The following CBFA2T2 variants were observed in gnomAD, a reference collection of about 807,000 sequenced individuals.
CBFA2T2 encodes the protein protein CBFA2T2.
In CBFA2T2, 11 loss-of-function variants were observed where a neutral mutation model predicts 62.2. The ratio of observed to expected loss-of-function variants is 0.18; its 90% CI spans 0.11 to 0.29. The LOEUF (loss-of-function observed/expected upper bound fraction) is 0.29, where lower values mean the gene tolerates loss of function less well. Ranked by LOEUF, CBFA2T2 falls within the 10% of genes least tolerant of loss-of-function variation. The pLI is 1.00. For synonymous variants in CBFA2T2, 295 were observed against 287.5 expected (o/e 1.03, Z -0.27); for missense variants, 592 against 774.1 (o/e 0.76, Z 2.79).
At chr20:33,578,246 T>G (rs2013923385) in intron 1 of CBFA2T2, among the ~76,000 whole-genome samples, 1 of 152,192 alleles carries the variant, frequency 6.6e-6, no homozygotes. Flanking sequence ...CTAGGGCAAT[T>G]TATATATGAT....
Position 33,644,724 on chromosome 20 carries a change from T to C in CBFA2T2, c.*78T>C. The C allele has an allele frequency of 7.0e-7, 1 of 1,423,052 alleles. No homozygotes were observed. The highest frequency in any genetic ancestry group is 9.5e-7 in the Non-Finnish European group (1 of 1,047,704). The allele number at this position is 1,423,052 out of a possible 1,614,324, so 88.2% of individuals were successfully genotyped here. A position where few individuals can be genotyped will look rare whatever the true frequency, so the allele number is the denominator to read the frequency against. ...CTGAGGGACTGACTGTTGGAACCCG[T>C]GCATGTAGCTGCCGGGTCATCAGCA... On this transcript the variant is annotated 3_prime_UTR_variant, in exon 11 of 11. Coordinates refer to ENST00000342704, the MANE Select transcript of CBFA2T2 (RefSeq NM_001032999.3).
Position 33,624,974 on chromosome 20 carries a change from G to T in CBFA2T2, c.903G>T (p.Lys301Asn). 1 of 1,614,172 alleles carries T rather than the reference G, an allele frequency of 6.2e-7. No homozygotes were observed. The highest frequency in any genetic ancestry group is 1.1e-5 in the South Asian group (1 of 91,084). ...CTCACCTGTATCGGGAACCCAACAA[G>T]ATGCTAGAGCATCGAGAAGTTCGTG... ...ATSHLYREPN[K>N]MLEHREVRDR... Residue 301 changes from lysine to asparagine, a missense_variant, in exon 6 of 11, where the codon AAG (lysine) becomes AAT (asparagine). Around this residue, in one of 3 missense-constraint regions of CBFA2T2, gnomAD observed 449 missense variants for 551.2 expected, o/e 0.81. Transcript: ENST00000342704.
rs1364921301 is a variant in CBFA2T2, at chr20:33,647,222, C to G, written c.*2576C>G. On this transcript the variant is annotated 3_prime_UTR_variant, in exon 11 of 11. Coordinates refer to ENST00000342704, the MANE Select transcript of CBFA2T2 (RefSeq NM_001032999.3). ...ACAGGTCACAGAGCCATTACAACAG[C>G]TTACTAGTTTTTCATGGATTTGTTG... 1 of 152,220 alleles carries G rather than the reference C, an allele frequency of 6.6e-6. No homozygotes were observed. The highest frequency in any genetic ancestry group is 1.9e-4 in the East Asian group (1 of 5,200). 9.4% of individuals were successfully genotyped at this position (152,220 alleles called of 1,614,324 possible).
At chr20:33,619,441 A>T (rs2015848630) in intron 3 of CBFA2T2, 76 bp from the exon 4 acceptor site, 1 of 732,612 alleles carries the variant, frequency 1.4e-6, no homozygotes, top group East Asian at 3.1e-5. Context: ...TTAAAAAAAA[A>T]AAAAAAGAAG....
intron 9 of CBFA2T2, among the ~76,000 whole-genome samples, chr20:33,637,006 A>G (rs1349754873): frequency 6.6e-6 from 1 of 152,160 alleles, no homozygotes; most frequent in Non-Finnish European, 1.5e-5. Flanking sequence ...TGGGCTTGCA[A>G]CAGAGTTCAT....
At position 33,610,990 on chromosome 20, in the gene CBFA2T2, T is replaced by A. The variant is rs947470306; in HGVS notation, c.179-104T>A. 3 of 1,431,702 alleles carry A rather than the reference T, an allele frequency of 2.1e-6. No individual in the cohort carries two copies. In the African/African-American group the frequency reaches 4.2e-5, roughly 20 times the overall value. 88.7% of individuals were successfully genotyped at this position (1,431,702 alleles called of 1,614,324 possible). ...TTTGCATACCTTTATAACATGTGCT[T>A]TACAAAATTCAAATGAACAAACGAA... On this transcript the variant is annotated intron_variant, in intron 2 of 10. Transcript: ENST00000342704.
intron 10 of CBFA2T2, among the ~76,000 whole-genome samples, chr20:33,643,859 G>GTATA (rs1282344091): frequency 9.4e-5 from 9 of 95,832 alleles, no homozygotes; most frequent in African/African-American, 3.5e-4. Flanking sequence ...GTGTGTGTGT[G>GTATA]TATATAATGT....
chr20:33,587,789 G>A (rs1253675960), intron 1 of CBFA2T2, among the ~76,000 whole-genome samples: 1 of 152,206 alleles, frequency 6.6e-6, no homozygotes, highest in Admixed American at 6.5e-5. Context: ...TATTTCACAT[G>A]TATTTCCTTT....
intron 1 of CBFA2T2, among the ~76,000 whole-genome samples, chr20:33,571,752 CTT>C (rs1338970581): frequency 1.3e-5 from 2 of 152,198 alleles, no homozygotes; most frequent in East Asian, 3.8e-4. Context: ...GTAGTACACT[CTT>C]TTTGCTGATC....
intron 1 of CBFA2T2, among the ~76,000 whole-genome samples, chr20:33,497,895 C>T (rs141753401): frequency 1.4e-3 from 210 of 152,070 alleles, no homozygotes; most frequent in African/African-American, 4.8e-3. Flanking sequence ...GTTTCCCATG[C>T]TGGTCTCTAA....
At position 33,573,467 on chromosome 20, in the gene CBFA2T2, A is replaced by ACTT. The variant is rs748107934; in HGVS notation, c.35-33473_35-33471dup. The stretch of plus-strand genomic sequence containing the variant: ...CATTGTTTCTCAGTTTTTGAGTACT[A>ACTT]CTTCTTCTTCTTCTTCTTTTTTTTT... On this transcript the variant is annotated intron_variant, in intron 1 of 10. Transcript: ENST00000342704. Among the ~76,000 whole-genome samples the ACTT allele has an allele frequency of 2.0e-5, 3 of 150,906 alleles. No homozygotes were observed. In the East Asian group the frequency reaches 5.8e-4, roughly 29 times the overall value.
intron 1 of CBFA2T2, among the ~76,000 whole-genome samples, chr20:33,597,427 A>G (rs1238260471): frequency 3.9e-5 from 6 of 152,156 alleles, no homozygotes; most frequent in Admixed American, 6.5e-5. Flanking sequence ...GGGGTCTCCA[A>G]TCCTCAGGCT....
intron 1 of CBFA2T2, among the ~76,000 whole-genome samples, chr20:33,493,391 A>G (rs1014778620): frequency 1.3e-5 from 2 of 152,098 alleles, no homozygotes; most frequent in South Asian, 2.1e-4. Context: ...TGAAGTTTTT[A>G]ACTGGCATGC....
In CBFA2T2 at chr20:33,645,028, G is replaced by A; in HGVS notation, c.*382G>A. On this transcript the variant is annotated 3_prime_UTR_variant, in exon 11 of 11. Transcript: ENST00000342704. ...GGCTGGAGGCGGCAGGCGGCAGGCA[G>A]CAGGCTGTGGAGGAGGCCCCTCGGT... 1 of 198,326 alleles carries A rather than the reference G, an allele frequency of 5.0e-6. No homozygotes were observed. The highest frequency in any genetic ancestry group is 1.0e-5 in the Non-Finnish European group (1 of 97,756). 12.3% of individuals were successfully genotyped at this position (198,326 alleles called of 1,614,324 possible).
rs576242205 is a variant in CBFA2T2, at chr20:33,636,658, A to G, written c.1247A>G (p.Asn416Ser). The change falls in exon 9 of 11, where the codon AAC becomes AGC. Residue 416 changes from asparagine to serine, a missense_variant. By Grantham distance (46) the Asn-to-Ser change is conservative. Around this residue, in one of 3 missense-constraint regions of CBFA2T2, gnomAD observed 449 missense variants for 551.2 expected, o/e 0.81. Coordinates refer to ENST00000342704, the MANE Select transcript of CBFA2T2 (RefSeq NM_001032999.3). ...SLSNDSQREF[N>S]SRPGTGYVPV... ...TCTGCAGATTCTCAGAGAGAGTTCA[A>G]CAGCAGGCCAGGTACAGGATACGTA... The G allele has an allele frequency of 3.5e-5, 57 of 1,613,748 alleles. No individual in the cohort carries two copies. The Admixed American group carries it at 5.2e-4, about 15-fold the overall frequency.
intron 1 of CBFA2T2, among the ~76,000 whole-genome samples, chr20:33,536,573 T>C (rs209671): frequency 1.5e-5 from 2 of 130,432 alleles, no homozygotes; most frequent in African/African-American, 2.9e-5. Context: ...TCCTCACTTC[T>C]CAGACGGGGC....
At chr20:33,556,406 C>T (rs1200224438) in intron 1 of CBFA2T2, among the ~76,000 whole-genome samples, 1 of 152,100 alleles carries the variant, frequency 6.6e-6, no homozygotes, top group Non-Finnish European at 1.5e-5. Flanking sequence ...CAGTGTGTCT[C>T]AATATTAGTG....
chr20:33,515,154 G>A (rs1405251116), intron 1 of CBFA2T2, among the ~76,000 whole-genome samples: 1 of 151,678 alleles, frequency 6.6e-6, no homozygotes. Context: ...TTTGAGACTA[G>A]CCTAGCAAAA....
intron 1 of CBFA2T2, among the ~76,000 whole-genome samples, chr20:33,525,951 G>A (rs567127415): frequency 1.8e-4 from 27 of 152,204 alleles, no homozygotes; most frequent in Non-Finnish European, 3.2e-4. Context: ...ACTGCACCTG[G>A]CCACGTAATC....
Sources: gnomAD v4.1 joint callset for allele counts (sites outside exome capture counted in the v4.1 genomes callset) on GRCh38, gnomAD v4.1.1 for gene constraint, gnomAD v4.1.1 regional missense constraint, MANE v1.5 for transcripts, NCBI Gene and HGNC (gene_info 2026-07-23, HGNC 2026-07-21) for gene names.